The following ARHGAP23 variants were observed in gnomAD, a reference collection of about 807,000 sequenced individuals.
The protein encoded by ARHGAP23 is Rho GTPase activating protein 23.
ARHGAP23 carries 34 observed loss-of-function variants against 136.3 expected under a neutral mutation model. That is an observed-to-expected ratio of 0.25 (90% CI 0.19 to 0.33). ARHGAP23 has a LOEUF of 0.33. Among genes scored for constraint, ARHGAP23 ranks in the 10% least tolerant of loss-of-function variants. The probability of loss-of-function intolerance (pLI) is 1.00; values close to 1 mark genes in which losing one functional copy is unlikely to be tolerated. For synonymous variants in ARHGAP23, 832 were observed against 920.5 expected, an observed-to-expected ratio of 0.90 and a Z score of 1.74; for missense variants, 1,808 against 2,139.0, an observed-to-expected ratio of 0.85 and a Z score of 3.05.
intron 1 of ARHGAP23, among the ~76,000 whole-genome samples, chr17:38,453,462 C>T (rs71383362): frequency 0.11 from 8,205 of 75,944 alleles, 310 homozygotes; most frequent in African/African-American, 0.27. Flanking sequence ...TGTGTGTGTG[C>T]GCGCGCGCGC....
At chr17:38,435,015 A>C (rs1212162364) in intron 1 of ARHGAP23, among the ~76,000 whole-genome samples, 2 of 152,218 alleles carry the variant, frequency 1.3e-5, no homozygotes, top group Non-Finnish European at 2.9e-5. Flanking sequence ...CAGAAGGAGG[A>C]GGAAAGCTAC....
At chr17:38,491,120 A>G (rs1393094478) in intron 19 of ARHGAP23, among the ~76,000 whole-genome samples, 1 of 151,902 alleles carries the variant, frequency 6.6e-6, no homozygotes, top group African/African-American at 2.4e-5. Context: ...GACCTCCAAC[A>G]TGTTTCCTAC....
chr17:38,458,191 G>A lies in ARHGAP23; in HGVS notation c.153G>A (p.Gln51=). 5 of 1,536,104 alleles carry A rather than the reference G, an allele frequency of 3.3e-6. No individual in the cohort carries two copies. The highest frequency in any genetic ancestry group is 4.4e-6 in the Non-Finnish European group (5 of 1,146,882). ...PRTLLLYKSP[Q]DGFGFTLRHF... ...CGCTGCTGCTGTACAAAAGTCCCCA[G>A]GACGGCTTTGGCTTCACTCTGCGCC... Residue 51 remains glutamine, a synonymous_variant, in exon 2 of 24, where the codon CAG becomes CAA. Transcript: ENST00000622683.
chr17:38,457,942 G>A (rs1210662498), intron 1 of ARHGAP23, 160 bp from the exon 2 acceptor site: 1 of 742,776 alleles, frequency 1.3e-6, no homozygotes, highest in Non-Finnish European at 2.1e-6. Context: ...GAGTAAGGAA[G>A]GGGTGAGGAG....
At position 38,510,907 on chromosome 17, in the gene ARHGAP23, A is replaced by G. The variant is rs965282000; in HGVS notation, c.4411A>G (p.Thr1471Ala). 3.4e-6 allele frequency: 5 copies of G among 1,490,700 alleles called. No individual in the cohort carries two copies. The highest frequency in any genetic ancestry group is 3.5e-6 in the Non-Finnish European group (4 of 1,129,186). The allele number at this position is 1,490,700 out of a possible 1,614,324, so 92.3% of individuals were successfully genotyped here. A position where few individuals can be genotyped will look rare whatever the true frequency, so the allele number is the denominator to read the frequency against. ...AASQPPAPGD[T>A]GSLQSQPPRR... is the part of the protein sequence containing the mutation. ...CTCGCAGCCGCCCGCGCCCGGGGAC[A>G]CGGGGTCCCTGCAGAGCCAGCCCCC... The change falls in exon 24 of 24, where the codon ACG becomes GCG. Residue 1471 changes from threonine to alanine, a missense_variant. Thr to Ala is a moderately conservative substitution (Grantham distance 58). This residue lies in a region of ARHGAP23 where 506 missense variants were observed against 455.8 expected (regional missense o/e 1.11). Coordinates refer to ENST00000622683, the MANE Select transcript of ARHGAP23 (RefSeq NM_001199417.2). The surrounding 1 kb of genome is among the most constrained non-coding windows in gnomAD (Gnocchi z 4.6).
intron 14 of ARHGAP23, among the ~76,000 whole-genome samples, chr17:38,481,390 G>A (rs1363426903): frequency 4.0e-5 from 6 of 151,446 alleles, no homozygotes; most frequent in South Asian, 4.2e-4. Context: ...CTCGTGATCC[G>A]CCCGCCTCGG....
intron 11 of ARHGAP23, among the ~76,000 whole-genome samples, chr17:38,473,036 A>G (rs1463489875): frequency 6.6e-6 from 1 of 151,788 alleles, no homozygotes; most frequent in Middle Eastern, 3.2e-3. Flanking sequence ...TCCTGGGTTC[A>G]AGCAATTCTC....
rs371795748 is a variant in ARHGAP23, at chr17:38,493,328, A to G, written c.3276+1796A>G. Reference sequence around the variant, plus strand: ...CTCAGCCTCCTGAGTAGCTGGGACTAGAGATGCCACCACCACACCACCTGG... The same window carrying G: ...CTCAGCCTCCTGAGTAGCTGGGACTGGAGATGCCACCACCACACCACCTGG... On this transcript the variant is annotated intron_variant, in intron 20 of 23. Transcript: ENST00000622683. Among the ~76,000 whole-genome samples the G allele has an allele frequency of 2.8e-3, 430 of 151,992 alleles. 8 individuals are homozygous for G. In the South Asian group the frequency reaches 0.034, roughly 12 times the overall value.
chr17:38,468,355 G>T (rs12449707), intron 7 of ARHGAP23, among the ~76,000 whole-genome samples: 39,147 of 151,896 alleles, frequency 0.26, 5,353 homozygotes, highest in East Asian at 0.42. Flanking sequence ...CCGGGCTTGG[G>T]GGTGGTGCCT....
chr17:38,484,562 G>T (rs2040119288), intron 16 of ARHGAP23, among the ~76,000 whole-genome samples: 2 of 152,148 alleles, frequency 1.3e-5, no homozygotes, highest in South Asian at 2.1e-4. Context: ...TGGGGTGAGG[G>T]CAGACACTTC....
intron 18 of ARHGAP23, 21 bp from the exon 19 acceptor site, chr17:38,490,441 C>G (rs916066957): frequency 2.0e-6 from 3 of 1,515,296 alleles, no homozygotes; most frequent in Non-Finnish European, 2.7e-6. Context: ...TGTCCCCATG[C>G]CCCTCCTCTC....
intron 1 of ARHGAP23, among the ~76,000 whole-genome samples, chr17:38,454,927 C>A (rs1001432205): frequency 6.6e-6 from 1 of 152,198 alleles, no homozygotes; most frequent in Non-Finnish European, 1.5e-5. Context: ...TCTTTCCTGA[C>A]ATGAGGGTGG....
intron 1 of ARHGAP23, among the ~76,000 whole-genome samples, chr17:38,438,390 G>A (rs2038851005): frequency 6.6e-6 from 1 of 151,818 alleles, no homozygotes; most frequent in Admixed American, 6.6e-5. Flanking sequence ...AGAGAAGGGT[G>A]TGCCAGGCAG....
intron 11 of ARHGAP23, among the ~76,000 whole-genome samples, chr17:38,475,783 C>A (rs1427694077): frequency 1.3e-5 from 2 of 152,120 alleles, no homozygotes; most frequent in Non-Finnish European, 2.9e-5. Flanking sequence ...GCTCCCTGTC[C>A]CCAGGACAGC....
chr17:38,420,902 G>A (rs1597727214), intron 1 of ARHGAP23, among the ~76,000 whole-genome samples: 3 of 152,254 alleles, frequency 2.0e-5, no homozygotes, highest in Non-Finnish European at 2.9e-5. Context: ...CTAATTTTAC[G>A]TTACGTGAAT....
At chr17:38,478,026 C>T (rs544635374) in intron 12 of ARHGAP23, 130 bp downstream of exon 12, 19 of 993,866 alleles carry the variant, frequency 1.9e-5, no homozygotes, top group Admixed American at 1.6e-4. Context: ...GAGTGCACCT[C>T]GTGATTGTGT....
chr17:38,479,930 CA>C, intron 14 of ARHGAP23, 47 bp downstream of exon 14: 10 of 1,107,230 alleles, frequency 9.0e-6, no homozygotes, highest in East Asian at 3.3e-5. Flanking sequence ...GGGCAGGGGG[CA>C]TGGGGAGGGG....
At chr17:38,443,256 G>A (rs1326168341) in intron 1 of ARHGAP23, among the ~76,000 whole-genome samples, 4 of 152,194 alleles carry the variant, frequency 2.6e-5, no homozygotes, top group Non-Finnish European at 5.9e-5. Context: ...CACCCAACCC[G>A]GTGGAGAGCC....
chr17:38,480,032 C>T (rs1178190453), intron 14 of ARHGAP23, 149 bp downstream of exon 14: 1 of 1,193,190 alleles, frequency 8.4e-7, no homozygotes, highest in African/African-American at 1.5e-5. Context: ...GTGTGCATGC[C>T]TGTGAGGGTC....
Sources: gnomAD v4.1 joint callset for allele counts (sites outside exome capture counted in the v4.1 genomes callset) on GRCh38, gnomAD v4.1.1 for gene constraint, gnomAD v4.1.1 regional missense constraint, Gnocchi (gnomAD v3.1) non-coding constraint, MANE v1.5 for transcripts, NCBI Gene and HGNC (gene_info 2026-07-23, HGNC 2026-07-21) for gene names.